TAS1R1: variants seen among roughly 807,000 people sequenced by gnomAD.
TAS1R1 encodes taste 1 receptor member 1, also known as taste receptor type 1 member 1.
A neutral mutation model predicts 45.8 loss-of-function variants in TAS1R1; 31 were observed. That is an observed-to-expected ratio of 0.68 (90% CI 0.51 to 0.91). TAS1R1 has a LOEUF of 0.91. Among genes scored for constraint, TAS1R1 ranks in the 40% least tolerant of loss-of-function variants. The pLI is 0.00. For missense variants in TAS1R1, 1,051 were observed against 1,063.9 expected (o/e 0.99, Z 0.17); for synonymous variants, 437 against 448.4 (o/e 0.97, Z 0.32).
At position 6,579,198 on chromosome 1, in the gene TAS1R1, C is replaced by G. The variant is rs757970497; in HGVS notation, c.2140C>G (p.His714Asp). The G allele has an allele frequency of 3.7e-6, 6 of 1,614,216 alleles. No homozygotes were observed. The highest frequency in any genetic ancestry group is 5.1e-6 in the Non-Finnish European group (6 of 1,180,050). The stretch of plus-strand genomic sequence containing the variant: ...TGCTAGGGAATACCAGCGCTTCCCC[C>G]ATCTGGTGATGCTTGAGTGCACAGA... ...LPAREYQRFP[H>D]LVMLECTETN... Residue 714 changes from histidine (H) to aspartate (D), a missense_variant, in exon 6 of 6, where the codon CAT becomes GAT. By Grantham distance (81) the His-to-Asp change is moderately conservative. Transcript: ENST00000333172.
At chr1:6,559,491 C>T (rs1639744308) in intron 1 of TAS1R1, among the ~76,000 whole-genome samples, 1 of 150,806 alleles carries the variant, frequency 6.6e-6, no homozygotes, top group African/African-American at 2.4e-5. Context: ...AACCCTGTCT[C>T]TACTAAAATA....
At chr1:6,561,280 C>T (rs889228753) in intron 1 of TAS1R1, among the ~76,000 whole-genome samples, 2 of 152,152 alleles carry the variant, frequency 1.3e-5, no homozygotes, top group African/African-American at 2.4e-5. Context: ...TTCATTTAAC[C>T]GTTGGGCAGC....
Position 6,574,633 on chromosome 1 carries a change from T to A in TAS1R1, c.501T>A (p.Ile167=). 6.3e-7 allele frequency: 1 copy of A among 1,596,524 alleles called. No individual in the cohort carries two copies. Among genetic ancestry groups the A allele is most frequent in the East Asian group, 2.2e-5 (1 of 44,698 alleles). The change falls in exon 3 of 6, where the codon ATT becomes ATA. Residue 167 remains isoleucine, a splice_region_variant and synonymous_variant. Coordinates refer to ENST00000333172, the MANE Select transcript of TAS1R1 (RefSeq NM_138697.4). The surrounding 1 kb of genome is among the most constrained non-coding windows in gnomAD (Gnocchi z 4.3). ...ALLSPFLVPM[I]SYAASSETLS... ...TGGCTGAACGGGACCTCCCATAGAT[T>A]AGCTATGCGGCCAGCAGCGAGACGC...
intron 1 of TAS1R1, among the ~76,000 whole-genome samples, chr1:6,565,939 G>T (rs1639865516): frequency 6.6e-6 from 1 of 152,172 alleles, no homozygotes; most frequent in Non-Finnish European, 1.5e-5. Context: ...CCATGCCAGG[G>T]TCATGGCTTG....
At chr1:6,576,743 A>G in intron 4 of TAS1R1, 116 bp downstream of exon 4, 1 of 1,384,194 alleles carries the variant, frequency 7.2e-7, no homozygotes, top group Admixed American at 2.0e-5. Context: ...TCCAGCTGCC[A>G]CCACTCTACC....
At chr1:6,570,248 G>C (rs375579258) in intron 1 of TAS1R1, among the ~76,000 whole-genome samples, 2 of 152,244 alleles carry the variant, frequency 1.3e-5, no homozygotes, top group South Asian at 2.1e-4. Flanking sequence ...ATATTTTAGG[G>C]AGTGGGGGCT....
Position 6,573,955 on chromosome 1 carries a change from A to G in TAS1R1, c.499-676A>G, listed in dbSNP as rs144893556. Among the ~76,000 whole-genome samples, 1,150 of 152,166 alleles carry G rather than the reference A, an allele frequency of 7.6e-3. 17 individuals are homozygous for G. Among genetic ancestry groups the G allele is most frequent in the East Asian group, 0.036 (187 of 5,164 alleles). Reference sequence around the variant, plus strand: ...TGGGATTACAGGTGTGAGCCACTGCACCCGGCCATAATGTATTAATATAAT... The same window carrying G: ...TGGGATTACAGGTGTGAGCCACTGCGCCCGGCCATAATGTATTAATATAAT... On this transcript the variant is annotated intron_variant, in intron 2 of 5. Coordinates refer to ENST00000333172, the MANE Select transcript of TAS1R1 (RefSeq NM_138697.4).
rs1640277886 is a variant in TAS1R1, at chr1:6,578,915, C to G, written c.1857C>G (p.Leu619=). Reference sequence around the variant, plus strand: ...CCCTGGCAGCAGGTAGTGGCAGCCTCTATGGCTTCTTTGGGGAACCCACAA... The same window carrying G: ...CCCTGGCAGCAGGTAGTGGCAGCCTGTATGGCTTCTTTGGGGAACCCACAA... ...LGSLAAGSGS[L]YGFFGEPTRP... The change falls in exon 6 of 6, where the codon CTC becomes CTG. Residue 619 remains leucine, a synonymous_variant. Coordinates refer to ENST00000333172, the MANE Select transcript of TAS1R1 (RefSeq NM_138697.4). 6.2e-7 allele frequency: 1 copy of G among 1,613,282 alleles called. No homozygotes were observed. The highest frequency in any genetic ancestry group is 1.3e-5 in the African/African-American group (1 of 75,036).
intron 1 of TAS1R1, among the ~76,000 whole-genome samples, chr1:6,566,211 A>G (rs983284059): frequency 1.3e-5 from 2 of 152,134 alleles, no homozygotes; most frequent in African/African-American, 4.8e-5. Flanking sequence ...AGCCTTGGAG[A>G]AGGACAGTCC....
At chr1:6,570,868 C>T in intron 1 of TAS1R1, 41 bp from the exon 2 acceptor site, 2 of 1,553,530 alleles carry the variant, frequency 1.3e-6, no homozygotes, top group Non-Finnish European at 1.7e-6. Flanking sequence ...CTCAGCAGGC[C>T]TTTGTCCTTC....
chr1:6,564,898 T>C (rs1639848494), intron 1 of TAS1R1, among the ~76,000 whole-genome samples: 2 of 152,130 alleles, frequency 1.3e-5, no homozygotes, highest in African/African-American at 4.8e-5. Flanking sequence ...AGTGTTCCTC[T>C]GAGCTGATGT....
intron 4 of TAS1R1, 78 bp from the exon 5 acceptor site, chr1:6,576,870 CAG>C (rs1289337386): frequency 6.2e-7 from 1 of 1,604,516 alleles, no homozygotes; most frequent in Non-Finnish European, 8.5e-7. Context: ...GGCAGATGCA[CAG>C]AGATTCTGTT....
intron 1 of TAS1R1, among the ~76,000 whole-genome samples, chr1:6,563,636 G>C (rs1639825214): frequency 1.3e-5 from 2 of 152,152 alleles, no homozygotes; most frequent in Non-Finnish European, 1.5e-5. Context: ...CTTCTGCTAG[G>C]ATGGGGTTGG....
intron 1 of TAS1R1, among the ~76,000 whole-genome samples, chr1:6,567,138 C>T (rs987843804): frequency 6.6e-6 from 1 of 152,080 alleles, no homozygotes; most frequent in African/African-American, 2.4e-5. Context: ...GATAGAAAGA[C>T]TATGAGAAAA....
chr1:6,576,648 C>T, intron 4 of TAS1R1, 21 bp downstream of exon 4: 1 of 1,608,832 alleles, frequency 6.2e-7, no homozygotes. Context: ...TGTGGCTACT[C>T]ACCATGTAAC....
At chr1:6,571,753 G>GAGGT (rs1640023366) in intron 2 of TAS1R1, among the ~76,000 whole-genome samples, 1 of 152,144 alleles carries the variant, frequency 6.6e-6, no homozygotes, top group Admixed American at 6.5e-5. Context: ...CTGGGAGGTG[G>GAGGT]AGGTTGCAGT....
chr1:6,556,343 G>T (rs1399377315), intron 1 of TAS1R1, among the ~76,000 whole-genome samples: 1 of 151,934 alleles, frequency 6.6e-6, no homozygotes, highest in Non-Finnish European at 1.5e-5. Context: ...CCATCATGAA[G>T]TCAACAATCT....
chr1:6,573,082 C>G (rs898256442), intron 2 of TAS1R1, among the ~76,000 whole-genome samples: 4 of 152,218 alleles, frequency 2.6e-5, no homozygotes, highest in Non-Finnish European at 5.9e-5. Flanking sequence ...CCATCAGTGT[C>G]CTAAGGCTTC....
In TAS1R1 at chr1:6,576,406, T is replaced by C; in HGVS notation, c.1261-9T>C. The C allele has an allele frequency of 6.2e-7, 1 of 1,614,106 alleles. No homozygotes were observed. The highest frequency in any genetic ancestry group is 8.5e-7 in the Non-Finnish European group (1 of 1,179,982). On this transcript the variant is annotated splice_polypyrimidine_tract_variant and intron_variant, in intron 3 of 5. Transcript: ENST00000333172. The stretch of plus-strand genomic sequence containing the variant: ...TCTGTGGTGGCTTCATGATACGCGT[T>C]TCTTTCAGCTTTTGGAGCAGATCCA...
Sources: gnomAD v4.1 joint callset for allele counts (sites outside exome capture counted in the v4.1 genomes callset) on GRCh38, gnomAD v4.1.1 for gene constraint, Gnocchi (gnomAD v3.1) non-coding constraint, MANE v1.5 for transcripts, NCBI Gene and HGNC (gene_info 2026-07-23, HGNC 2026-07-21) for gene names.